CDK6: variants seen among roughly 807,000 people sequenced by gnomAD.
The protein encoded by CDK6 is cyclin dependent kinase 6.
In CDK6, 6 loss-of-function variants were observed where a neutral mutation model predicts 37.1. The observed-to-expected ratio is 0.16, with a 90% CI of 0.09 to 0.32. CDK6 has a LOEUF of 0.32. Ranked by LOEUF, CDK6 falls within the 10% of genes least tolerant of loss-of-function variation. The probability of loss-of-function intolerance (pLI) is 1.00; values close to 1 mark genes in which losing one functional copy is unlikely to be tolerated. For synonymous variants in CDK6, 160 were observed against 161.3 expected, an observed-to-expected ratio of 0.99 and a Z score of 0.06; for missense variants, 224 against 418.9, an observed-to-expected ratio of 0.53 and a Z score of 4.06.
intron 2 of CDK6, among the ~76,000 whole-genome samples, chr7:92,776,721 T>C (rs1179283986): frequency 6.6e-6 from 1 of 152,226 alleles, no homozygotes; most frequent in African/African-American, 2.4e-5. Context: ...TTTGAGAAAA[T>C]GTCTGTTCAT....
At chr7:92,703,073 A>C (rs1797892601) in intron 4 of CDK6, among the ~76,000 whole-genome samples, 1 of 152,212 alleles carries the variant, frequency 6.6e-6, no homozygotes. Context: ...ATATGTAACC[A>C]GTGAACCCCA....
chr7:92,740,830 C>A (rs1798905179), intron 3 of CDK6, among the ~76,000 whole-genome samples: 1 of 152,140 alleles, frequency 6.6e-6, no homozygotes. Flanking sequence ...ACACAAGGCC[C>A]ATATCATCAG....
chr7:92,696,012 CA>C (rs1562938645), intron 4 of CDK6, among the ~76,000 whole-genome samples: 1 of 152,198 alleles, frequency 6.6e-6, no homozygotes, highest in South Asian at 2.1e-4. Context: ...CTGTCAGACC[CA>C]CGGACATGTC....
intron 3 of CDK6, among the ~76,000 whole-genome samples, chr7:92,771,615 T>A (rs1275874039): frequency 1.3e-5 from 2 of 152,330 alleles, no homozygotes; most frequent in East Asian, 3.9e-4. Context: ...ATCTCTTCTC[T>A]TATACTCTAA....
At chr7:92,779,050 CT>C (rs1350740948) in intron 2 of CDK6, among the ~76,000 whole-genome samples, 1 of 151,798 alleles carries the variant, frequency 6.6e-6, no homozygotes, top group Admixed American at 6.6e-5. Flanking sequence ...CATCTGCCCC[CT>C]GGACCGTTGT....
At chr7:92,707,164 T>G (rs373399125) in intron 4 of CDK6, among the ~76,000 whole-genome samples, 66 of 152,344 alleles carry the variant, frequency 4.3e-4, no homozygotes, top group Non-Finnish European at 8.4e-4. Flanking sequence ...AGTATTACTA[T>G]TACATAATTT....
At chr7:92,724,450 G>A (rs1323862794) in intron 4 of CDK6, among the ~76,000 whole-genome samples, 2 of 152,188 alleles carry the variant, frequency 1.3e-5, no homozygotes, top group East Asian at 1.9e-4. Context: ...CTGGTCTTAC[G>A]TGTCTAGGTG....
chr7:92,628,123 G>A (rs1795970606), intron 5 of CDK6, among the ~76,000 whole-genome samples: 1 of 152,008 alleles, frequency 6.6e-6, no homozygotes, highest in Non-Finnish European at 1.5e-5. Flanking sequence ...TATCAGATTA[G>A]GGTTAAATAA....
chr7:92,738,646 A>G (rs896525080), intron 3 of CDK6, among the ~76,000 whole-genome samples: 5 of 151,952 alleles, frequency 3.3e-5, no homozygotes, highest in Admixed American at 6.6e-5. Flanking sequence ...CTCCGAAAAA[A>G]AAAAAAAAAA....
At chr7:92,718,285 C>T (rs1798278975) in intron 4 of CDK6, among the ~76,000 whole-genome samples, 1 of 152,172 alleles carries the variant, frequency 6.6e-6, no homozygotes, top group South Asian at 2.1e-4. Flanking sequence ...GTGTCCTGCA[C>T]TTTCGCTGAG....
chr7:92,605,193 GA>G lies in CDK6; in HGVS notation c.*9946del, dbSNP rs1795398899. 8.6e-6 allele frequency: 2 copies of G among 232,942 alleles called. No homozygotes were observed. Among genetic ancestry groups the G allele is most frequent in the Non-Finnish European group, 1.7e-5 (2 of 117,808 alleles). The allele number at this position is 232,942 out of a possible 1,614,324, so 14.4% of individuals were successfully genotyped here. ...ACAGTGATATTTCAACACCAATTTT[GA>G]AAAAAACAATGAACTTCATCATCTG... On this transcript the variant is annotated 3_prime_UTR_variant, in exon 8 of 8. Coordinates refer to ENST00000424848, the MANE Select transcript of CDK6 (RefSeq NM_001145306.2).
intron 3 of CDK6, among the ~76,000 whole-genome samples, chr7:92,749,230 T>G (rs1034943509): frequency 6.6e-6 from 1 of 150,426 alleles, no homozygotes; most frequent in Non-Finnish European, 1.5e-5. Context: ...ATCCCAGCAC[T>G]TTGGGAGGCT....
At position 92,710,227 on chromosome 7, in the gene CDK6, G is replaced by A. The variant is rs1798059092; in HGVS notation, c.537+15399C>T. Among the ~76,000 whole-genome samples, 3 of 152,186 alleles carry A rather than the reference G, an allele frequency of 2.0e-5. No individual in the cohort carries two copies. In the South Asian group the frequency reaches 6.2e-4, roughly 31 times the overall value. ...CTGATTGGTCAATGGGTAGGTACGG[G>A]ATTCAATTATGAGTGATGAAACCTA... is the stretch of plus-strand genomic sequence containing the variant. On this transcript the variant is annotated intron_variant, in intron 4 of 7. Transcript: ENST00000424848.
At chr7:92,720,957 G>A (rs1481789760) in intron 4 of CDK6, among the ~76,000 whole-genome samples, 1 of 152,080 alleles carries the variant, frequency 6.6e-6, no homozygotes, top group Non-Finnish European at 1.5e-5. Context: ...TATGTACAAT[G>A]GAAAGAACTT....
intron 4 of CDK6, among the ~76,000 whole-genome samples, chr7:92,715,832 CAG>C (rs1179766687): frequency 3.9e-5 from 6 of 152,192 alleles, no homozygotes; most frequent in Non-Finnish European, 8.8e-5. Context: ...AACTGCAATG[CAG>C]AGATTTTCAA....
chr7:92,737,315 T>C (rs570878240), intron 3 of CDK6, among the ~76,000 whole-genome samples: 1 of 152,354 alleles, frequency 6.6e-6, no homozygotes, highest in Admixed American at 6.5e-5. Flanking sequence ...ATCCTTAAAA[T>C]ATCTGTTGTT....
At chr7:92,689,853 GT>G (rs1373272149) in intron 4 of CDK6, among the ~76,000 whole-genome samples, 3 of 152,094 alleles carry the variant, frequency 2.0e-5, no homozygotes, top group Admixed American at 6.6e-5. Flanking sequence ...ATCTCTTGTG[GT>G]TTTGATTTGC....
At chr7:92,780,097 C>T (rs911049420) in intron 2 of CDK6, among the ~76,000 whole-genome samples, 2 of 152,138 alleles carry the variant, frequency 1.3e-5, no homozygotes, top group African/African-American at 2.4e-5. Context: ...CTCAGCCTCC[C>T]GAGTAGCTGG....
intron 2 of CDK6, among the ~76,000 whole-genome samples, chr7:92,798,057 C>T (rs1800460448): frequency 6.6e-6 from 1 of 152,166 alleles, no homozygotes; most frequent in Non-Finnish European, 1.5e-5. Context: ...ATGACTCGTC[C>T]TGAATGATGA....
Sources: allele counts gnomAD v4.1 joint callset (sites outside exome capture counted in the v4.1 genomes callset), GRCh38; gene constraint gnomAD v4.1.1; transcripts MANE v1.5; gene names NCBI Gene and HGNC (gene_info 2026-07-23, HGNC 2026-07-21).